The following GSE1 variants were observed in gnomAD, a reference collection of about 807,000 sequenced individuals.
The protein encoded by GSE1 is genetic suppressor element 1.
A neutral mutation model predicts 112.6 loss-of-function variants in GSE1; 32 were observed. That is an observed-to-expected ratio of 0.28 (90% CI 0.21 to 0.38). The LOEUF is 0.38. Ranked by LOEUF, GSE1 falls within the 10% of genes least tolerant of loss-of-function variation. The pLI, the probability that GSE1 is intolerant of heterozygous loss-of-function variation, is 1.00. For synonymous variants in GSE1, 1,115 were observed against 735.6 expected (o/e 1.52, Z -8.35); for missense variants, 2,348 against 1,699.2 (o/e 1.38, Z -6.71).
chr16:85,313,936 G>A (rs1252425731), intron 1 of GSE1, among the ~76,000 whole-genome samples: 1 of 151,436 alleles, frequency 6.6e-6, no homozygotes, highest in Non-Finnish European at 1.5e-5. Flanking sequence ...GTGTGTGTGT[G>A]TGTGTGTGTG....
upstream of GSE1, among the ~76,000 whole-genome samples, chr16:85,551,372 C>A (rs2044906158): frequency 6.6e-6 from 1 of 152,294 alleles, no homozygotes; most frequent in East Asian, 1.9e-4. Flanking sequence ...CACCCCTAGC[C>A]AGGCCATAGG....
rs767068693 is a variant in GSE1 at position 85,566,470 on chromosome 16, C to G, written c.37+10107C>G. Among the ~76,000 whole-genome samples the G allele has an allele frequency of 1.2e-3, 176 of 152,346 alleles. 2 individuals carry two copies. Among genetic ancestry groups the G allele is most frequent in the African/African-American group, 4.0e-3 (167 of 41,582 alleles). On this transcript the variant is annotated intron_variant, in intron 1 of 2. Coordinates refer to the GSE1 transcript ENST00000635906. ...TGTAAGGAAAGCCGAACTGGGTGAA[C>G]CCTGGGCCCCAGGAGTCACTGGATG... is the stretch of plus-strand genomic sequence containing the variant.
At chr16:85,481,716 G>A (rs2050686448) in intron 2 of GSE1, among the ~76,000 whole-genome samples, 2 of 152,196 alleles carry the variant, frequency 1.3e-5, no homozygotes. Context: ...TAATTCTGCC[G>A]CCAGAGCAAA....
chr16:85,629,207 T>G (rs750477151), intron 1 of GSE1, among the ~76,000 whole-genome samples: 2 of 152,184 alleles, frequency 1.3e-5, no homozygotes, highest in Non-Finnish European at 2.9e-5. Context: ...AAAATAAGCC[T>G]CTTTTCTTTA....
intron 2 of GSE1, among the ~76,000 whole-genome samples, chr16:85,455,681 G>A (rs957719599): frequency 3.3e-5 from 5 of 152,250 alleles, no homozygotes; most frequent in African/African-American, 1.2e-4. Context: ...CGCGCTGCAA[G>A]CTGCCTCCCC....
chr16:85,653,608 C>T (rs1284882037), intron 3 of GSE1, among the ~76,000 whole-genome samples: 2 of 151,920 alleles, frequency 1.3e-5, no homozygotes, highest in African/African-American at 2.4e-5. Flanking sequence ...CTGTTGCCTT[C>T]CCTGCCCCAC....
intron 2 of GSE1, among the ~76,000 whole-genome samples, chr16:85,483,373 C>T (rs892422427): frequency 1.4e-4 from 21 of 152,248 alleles, no homozygotes; most frequent in Non-Finnish European, 2.9e-4. Flanking sequence ...TCTCTGTGAC[C>T]TTCAACCTTG....
chr16:85,643,549 C>A (rs541070216), intron 2 of GSE1, among the ~76,000 whole-genome samples: 4 of 152,268 alleles, frequency 2.6e-5, no homozygotes, highest in African/African-American at 4.8e-5. Flanking sequence ...CATTCAGAGA[C>A]TCTGGAGTGG....
chr16:85,648,160 T>A (rs1043074852), intron 2 of GSE1, among the ~76,000 whole-genome samples: 8 of 151,924 alleles, frequency 5.3e-5, no homozygotes, highest in African/African-American at 1.9e-4. Flanking sequence ...TCTCTAACTC[T>A]GGGGCTCCAT....
At chr16:85,615,974 G>C (rs1172240433) in intron 1 of GSE1, among the ~76,000 whole-genome samples, 1 of 152,244 alleles carries the variant, frequency 6.6e-6, no homozygotes, top group Non-Finnish European at 1.5e-5. Context: ...CGATGGCCCC[G>C]ATGAGCCCTC....
intron 1 of GSE1, among the ~76,000 whole-genome samples, chr16:85,280,644 C>A (rs535367873): frequency 4.6e-5 from 7 of 152,354 alleles, no homozygotes; most frequent in African/African-American, 1.7e-4. Flanking sequence ...GATCCGCCCA[C>A]CTCAGCCTCC....
intron 2 of GSE1, among the ~76,000 whole-genome samples, chr16:85,410,132 GGT>G (rs1245363734): frequency 1.4e-5 from 1 of 72,462 alleles, no homozygotes; most frequent in Non-Finnish European, 2.4e-5. Flanking sequence ...TTGCACTCAG[GGT>G]CCCTCTGATA....
chr16:85,624,408 G>A (rs934586373), intron 1 of GSE1, among the ~76,000 whole-genome samples: 1 of 152,228 alleles, frequency 6.6e-6, no homozygotes, highest in Non-Finnish European at 1.5e-5. Flanking sequence ...GAGAGCTGTG[G>A]GAAAGTGGGG....
intron 1 of GSE1, among the ~76,000 whole-genome samples, chr16:85,297,255 C>T (rs192368547): frequency 8.5e-5 from 13 of 152,348 alleles, no homozygotes; most frequent in Non-Finnish European, 1.6e-4. Flanking sequence ...GGTCAGTGGG[C>T]GTTGAAAATT....
intron 2 of GSE1, among the ~76,000 whole-genome samples, chr16:85,475,417 C>G (rs1438977333): frequency 6.6e-6 from 1 of 152,248 alleles, no homozygotes; most frequent in Admixed American, 6.5e-5. Context: ...CGTGTTTGTC[C>G]TGTAGAGGCA....
intron 2 of GSE1, among the ~76,000 whole-genome samples, chr16:85,425,028 C>T (rs142274816): frequency 3.8e-4 from 58 of 152,382 alleles, no homozygotes; most frequent in South Asian, 1.4e-3. Context: ...GAGCAAGCTC[C>T]GAGCAGGCTG....
intron 1 of GSE1, among the ~76,000 whole-genome samples, chr16:85,236,735 C>T (rs552017490): frequency 5.4e-4 from 82 of 152,288 alleles, no homozygotes; most frequent in African/African-American, 1.9e-3. Flanking sequence ...CCAAAGTTCT[C>T]TCTCCAGCCT....
chr16:85,237,572 C>T (rs1904786674), intron 1 of GSE1, among the ~76,000 whole-genome samples: 1 of 151,976 alleles, frequency 6.6e-6, no homozygotes, highest in Non-Finnish European at 1.5e-5. Flanking sequence ...GGCACGGTGG[C>T]TCACACCTGT....
chr16:85,559,075 C>T (rs1372343892), intron 1 of GSE1, among the ~76,000 whole-genome samples: 2 of 152,200 alleles, frequency 1.3e-5, no homozygotes, highest in Non-Finnish European at 2.9e-5. Context: ...CCAGGCTGGT[C>T]TCGAACTCCT....
Sources: allele counts gnomAD v4.1 joint callset (sites outside exome capture counted in the v4.1 genomes callset), GRCh38; gene constraint gnomAD v4.1.1; transcripts MANE v1.5; gene names NCBI Gene and HGNC (gene_info 2026-07-23, HGNC 2026-07-21).